CDH12: variants seen among roughly 807,000 people sequenced by gnomAD.
CDH12 encodes the protein cadherin 12.
CDH12 carries 41 observed loss-of-function variants against 74.1 expected under a neutral mutation model. The observed-to-expected ratio is 0.55, with a 90% CI of 0.43 to 0.72. The LOEUF is 0.72. Among genes scored for constraint, CDH12 ranks in the 30% least tolerant of loss-of-function variants. CDH12 has a pLI of 0.00. For synonymous variants in CDH12, 399 were observed against 355.0 expected (o/e 1.12, Z -1.39); for missense variants, 945 against 977.2 (o/e 0.97, Z 0.44).
intron 1 of CDH12, among the ~76,000 whole-genome samples, chr5:22,770,642 C>T (rs960232291): frequency 3.9e-5 from 6 of 152,010 alleles, no homozygotes; most frequent in Admixed American, 3.9e-4. Context: ...CTATGAGGTG[C>T]AATTAATAAT....
intron 1 of CDH12, among the ~76,000 whole-genome samples, chr5:22,669,839 C>T (rs1037165872): frequency 6.6e-6 from 1 of 152,158 alleles, no homozygotes; most frequent in Non-Finnish European, 1.5e-5. Context: ...ATGTTATGAG[C>T]AGCTGAGCTT....
intron 1 of CDH12, among the ~76,000 whole-genome samples, chr5:22,518,980 G>T (rs952355011): frequency 1.3e-5 from 2 of 152,172 alleles, no homozygotes; most frequent in African/African-American, 2.4e-5. Flanking sequence ...CTAGCATGGG[G>T]TGACCTCCTG....
chr5:22,234,944 C>G (rs536184797), intron 3 of CDH12, among the ~76,000 whole-genome samples: 50 of 151,720 alleles, frequency 3.3e-4, no homozygotes, highest in Non-Finnish European at 6.6e-4. Context: ...CAACAAAGTC[C>G]CACAATTCAA....
chr5:22,117,468 AATATATATATT>A (rs1358167783), intron 4 of CDH12, among the ~76,000 whole-genome samples: 5 of 75,980 alleles, frequency 6.6e-5, no homozygotes, highest in African/African-American at 1.1e-4. Flanking sequence ...TTATATATAT[AATATATATATT>A]ATATATATAT....
intron 3 of CDH12, among the ~76,000 whole-genome samples, chr5:22,283,570 A>T (rs1418282619): frequency 2.0e-5 from 3 of 151,934 alleles, no homozygotes; most frequent in African/African-American, 7.2e-5. Context: ...TCAAACTCAT[A>T]GGAGTAGAGG....
chr5:22,079,899 GAA>G (rs35956037), intron 4 of CDH12, among the ~76,000 whole-genome samples: 1 of 145,774 alleles, frequency 6.9e-6, no homozygotes, highest in Admixed American at 6.9e-5. Context: ...TATGCAAATG[GAA>G]AAAAAAAAAG....
At chr5:22,433,559 A>C (rs1744258820) in intron 2 of CDH12, among the ~76,000 whole-genome samples, 1 of 152,042 alleles carries the variant, frequency 6.6e-6, no homozygotes, top group African/African-American at 2.4e-5. Context: ...TAAAATTTTA[A>C]AATAAAAAAT....
At chr5:22,322,079 G>A (rs2150437855) in intron 3 of CDH12, among the ~76,000 whole-genome samples, 1 of 152,296 alleles carries the variant, frequency 6.6e-6, no homozygotes, top group East Asian at 1.9e-4. Flanking sequence ...TTTCCTGACT[G>A]TAACCACACA....
intron 1 of CDH12, among the ~76,000 whole-genome samples, chr5:22,722,707 C>T (rs953044906): frequency 6.6e-6 from 1 of 152,136 alleles, no homozygotes; most frequent in Non-Finnish European, 1.5e-5. Flanking sequence ...ACATATGTCC[C>T]CTTGAAACAG....
At chr5:22,483,119 T>A (rs1195231136) in intron 2 of CDH12, among the ~76,000 whole-genome samples, 3 of 152,084 alleles carry the variant, frequency 2.0e-5, no homozygotes, top group Non-Finnish European at 4.4e-5. Context: ...ATCAATGAAA[T>A]TAGAAAAGAA....
At chr5:22,740,363 A>G (rs10070966) in intron 1 of CDH12, among the ~76,000 whole-genome samples, 78,545 of 151,580 alleles carry the variant, frequency 0.52, 20,307 homozygotes, top group East Asian at 0.56. Flanking sequence ...TTGTTCTTTT[A>G]TAGACACATG....
chr5:22,208,452 T>A (rs573823064), intron 4 of CDH12, among the ~76,000 whole-genome samples: 1 of 152,206 alleles, frequency 6.6e-6, no homozygotes, highest in Non-Finnish European at 1.5e-5. Context: ...CCTAAGGCAA[T>A]TAACCTCTTT....
intron 1 of CDH12, among the ~76,000 whole-genome samples, chr5:22,702,684 T>G (rs935258821): frequency 3.3e-5 from 5 of 152,002 alleles, no homozygotes; most frequent in African/African-American, 7.2e-5. Flanking sequence ...GTCTATCAAA[T>G]CTCTTTATTC....
chr5:22,149,622 C>A (rs1747434669), intron 4 of CDH12, among the ~76,000 whole-genome samples: 1 of 152,198 alleles, frequency 6.6e-6, no homozygotes, highest in Non-Finnish European at 1.5e-5. Context: ...AGTCTCTATA[C>A]ATCCTACATG....
At chr5:21,977,055 G>C (rs1195246793) in intron 5 of CDH12, among the ~76,000 whole-genome samples, 1 of 151,832 alleles carries the variant, frequency 6.6e-6, no homozygotes, top group Non-Finnish European at 1.5e-5. Context: ...TTCATTTTGT[G>C]ACCCTGCATT....
intron 4 of CDH12, among the ~76,000 whole-genome samples, chr5:22,189,318 C>T (rs1360488523): frequency 6.6e-6 from 1 of 152,088 alleles, no homozygotes; most frequent in Non-Finnish European, 1.5e-5. Context: ...CTTTCACTAA[C>T]AATTGATTAC....
At chr5:22,005,098 T>C (rs546525063) in intron 5 of CDH12, among the ~76,000 whole-genome samples, 15 of 152,308 alleles carry the variant, frequency 9.8e-5, no homozygotes, top group African/African-American at 3.1e-4. Context: ...TGGAGTGCAA[T>C]GGCGCAGTCT....
At chr5:21,837,589 C>T (rs368114958) in intron 8 of CDH12, among the ~76,000 whole-genome samples, 1 of 151,516 alleles carries the variant, frequency 6.6e-6, no homozygotes, top group South Asian at 2.1e-4. Context: ...GAAAAGGATA[C>T]TATTTCAGTT....
At chr5:22,011,109 C>T (rs1361557441) in intron 5 of CDH12, among the ~76,000 whole-genome samples, 1 of 152,082 alleles carries the variant, frequency 6.6e-6, no homozygotes, top group Non-Finnish European at 1.5e-5. Context: ...CATAAACATA[C>T]TGCCACTCAG....
Sources: allele counts gnomAD v4.1 joint callset (sites outside exome capture counted in the v4.1 genomes callset), GRCh38; gene constraint gnomAD v4.1.1; transcripts MANE v1.5; gene names NCBI Gene and HGNC (gene_info 2026-07-23, HGNC 2026-07-21).